Variants in COL25A1 observed in about 807,000 individuals in gnomAD.
The protein encoded by COL25A1 is collagen type XXV alpha 1 chain, also known as collagen alpha-1(XXV) chain.
In COL25A1, 103 loss-of-function variants were observed where a neutral mutation model predicts 128.4. That is an observed-to-expected ratio of 0.80 (90% CI 0.68 to 0.94). The LOEUF is 0.94. COL25A1 is among the 40% of genes least tolerant of loss of function. The probability of loss-of-function intolerance (pLI) is 0.00; values close to 1 mark genes in which losing one functional copy is unlikely to be tolerated. For synonymous variants in COL25A1, 279 were observed against 277.2 expected, an observed-to-expected ratio of 1.01 and a Z score of -0.06; for missense variants, 745 against 840.0, an observed-to-expected ratio of 0.89 and a Z score of 1.40.
At chr4:108,987,517 G>A (rs537273125) in intron 6 of COL25A1, among the ~76,000 whole-genome samples, 2 of 152,170 alleles carry the variant, frequency 1.3e-5, no homozygotes, top group African/African-American at 4.8e-5. Context: ...CGGGATTACA[G>A]ATGCCCACCA....
intron 8 of COL25A1, among the ~76,000 whole-genome samples, chr4:108,943,278 C>T (rs976500506): frequency 6.6e-6 from 1 of 152,172 alleles, no homozygotes; most frequent in Non-Finnish European, 1.5e-5. Flanking sequence ...TGTAATTTCC[C>T]TCAATTGACA....
At chr4:109,239,420 A>ATG (rs71594168) in intron 3 of COL25A1, among the ~76,000 whole-genome samples, 19,282 of 123,142 alleles carry the variant, frequency 0.16, 1,530 homozygotes, top group Admixed American at 0.22. Context: ...ATATATATAT[A>ATG]TATTTATTTA....
chr4:109,069,035 T>C (rs932333858), intron 3 of COL25A1, among the ~76,000 whole-genome samples: 15 of 152,048 alleles, frequency 9.9e-5, no homozygotes, highest in African/African-American at 3.4e-4. Context: ...TATTAAGCCC[T>C]CAAGAAATAT....
chr4:109,185,216 G>T (rs1017598261), intron 3 of COL25A1, among the ~76,000 whole-genome samples: 2 of 152,166 alleles, frequency 1.3e-5, no homozygotes, highest in Non-Finnish European at 1.5e-5. Context: ...GGAAATACTT[G>T]TTTATGATAG....
intron 6 of COL25A1, among the ~76,000 whole-genome samples, chr4:108,991,466 T>C (rs778630179): frequency 7.9e-5 from 12 of 152,180 alleles, no homozygotes; most frequent in Non-Finnish European, 1.5e-4. Flanking sequence ...ATTAACCATC[T>C]GCTTCATAAA....
chr4:109,119,227 T>G (rs912117344), intron 3 of COL25A1, among the ~76,000 whole-genome samples: 1 of 151,976 alleles, frequency 6.6e-6, no homozygotes, highest in East Asian at 1.9e-4. Flanking sequence ...AGAGGAAAAT[T>G]TATAGCATTG....
intron 5 of COL25A1, among the ~76,000 whole-genome samples, chr4:109,012,009 A>AAGGTTTT (rs143096880): frequency 0.08 from 12,241 of 152,158 alleles, 836 homozygotes; most frequent in African/African-American, 0.19. Flanking sequence ...AGACACTATG[A>AAGGTTTT]AGGTTTTTTG....
At chr4:109,295,364 G>C (rs1466136821) in intron 3 of COL25A1, among the ~76,000 whole-genome samples, 1 of 152,056 alleles carries the variant, frequency 6.6e-6, no homozygotes, top group Non-Finnish European at 1.5e-5. Flanking sequence ...ATTTAACATG[G>C]ATGCTTGAAG....
At chr4:109,196,811 G>C (rs1188878858) in intron 3 of COL25A1, among the ~76,000 whole-genome samples, 1 of 152,146 alleles carries the variant, frequency 6.6e-6, no homozygotes, top group African/African-American at 2.4e-5. Flanking sequence ...GAGACATTTT[G>C]ATTATCAATG....
chr4:109,295,113 T>C (rs1015666201), intron 3 of COL25A1, among the ~76,000 whole-genome samples: 2 of 152,120 alleles, frequency 1.3e-5, no homozygotes, highest in Non-Finnish European at 2.9e-5. Context: ...TTTGTATCCT[T>C]CTTTTAAGTA....
In COL25A1 at chr4:108,921,699, ATGT is replaced by A. The variant is rs1481184366; in HGVS notation, c.709-1098_709-1096del. Among the ~76,000 whole-genome samples the A allele has an allele frequency of 9.8e-5, 15 of 152,310 alleles. No homozygotes were observed. In the East Asian group the frequency reaches 2.9e-3, roughly 29 times the overall value. On this transcript the variant is annotated intron_variant, in intron 11 of 37. Coordinates refer to ENST00000399132, the MANE Select transcript of COL25A1 (RefSeq NM_198721.4). ...GGAACATTCAGAGAATCTGTTCACCATGTTATTTTGCAATCCTCACAGGAAGAC... is the reference window on the plus strand; with the variant it reads ...GGAACATTCAGAGAATCTGTTCACCATATTTTGCAATCCTCACAGGAAGAC...
intron 3 of COL25A1, among the ~76,000 whole-genome samples, chr4:109,197,472 A>T (rs1292255469): frequency 3.4e-5 from 4 of 117,048 alleles, no homozygotes; most frequent in South Asian, 2.3e-4. Context: ...ATTATATATA[A>T]TATATATTAT....
chr4:108,809,066 G>C lies in COL25A1; in HGVS notation c.*4861C>G, dbSNP rs1730594864. Reference sequence around the variant, plus strand: ...ATCTTTCAATTATTTACACTACTGAGATAAACAGGTTTGTGCCATATTTAC... The same window carrying C: ...ATCTTTCAATTATTTACACTACTGACATAAACAGGTTTGTGCCATATTTAC... On this transcript the variant is annotated 3_prime_UTR_variant, in exon 38 of 38. Coordinates refer to ENST00000399132, the MANE Select transcript of COL25A1 (RefSeq NM_198721.4). 6.6e-6 allele frequency: 1 copy of C among 152,024 alleles called. No homozygotes were observed. The highest frequency in any genetic ancestry group is 6.5e-5 in the Admixed American group (1 of 15,272). The allele number at this position is 152,024 out of a possible 1,614,324, so 9.4% of individuals were successfully genotyped here.
chr4:109,247,189 C>T (rs1470997722), intron 3 of COL25A1, among the ~76,000 whole-genome samples: 2 of 152,074 alleles, frequency 1.3e-5, no homozygotes, highest in African/African-American at 4.8e-5. Flanking sequence ...CATGGTAAAA[C>T]CCCATCTCCA....
chr4:108,939,999 G>A (rs749393667), intron 10 of COL25A1, among the ~76,000 whole-genome samples: 5 of 151,996 alleles, frequency 3.3e-5, no homozygotes, highest in East Asian at 3.9e-4. Context: ...TTCATTTTAC[G>A]GTTATTAGCA....
chr4:109,212,400 T>C (rs1449917002), intron 3 of COL25A1, among the ~76,000 whole-genome samples: 2 of 152,158 alleles, frequency 1.3e-5, no homozygotes, highest in Non-Finnish European at 2.9e-5. Flanking sequence ...CTTGGCATTA[T>C]TATGATATAG....
chr4:108,900,747 C>A (rs1742737942), intron 14 of COL25A1, among the ~76,000 whole-genome samples: 1 of 151,992 alleles, frequency 6.6e-6, no homozygotes, highest in South Asian at 2.1e-4. Flanking sequence ...TGAATGTCAT[C>A]TTTAGTAAGG....
chr4:108,924,466 T>C (rs951978212), intron 11 of COL25A1, among the ~76,000 whole-genome samples: 2 of 152,156 alleles, frequency 1.3e-5, no homozygotes, highest in East Asian at 3.8e-4. Flanking sequence ...GACCCCATGT[T>C]GGTGACTGTC....
In COL25A1 at chr4:109,161,049, G is replaced by T. The variant is rs147595103; in HGVS notation, c.368-110870C>A. 4.1e-3 allele frequency among the ~76,000 whole-genome samples: 616 copies of T among 152,048 alleles called. 3 individuals are homozygous for T. Among genetic ancestry groups the T allele is most frequent in the Non-Finnish European group, 6.5e-3 (440 of 67,972 alleles). On this transcript the variant is annotated intron_variant, in intron 3 of 37. Transcript: ENST00000399132. The stretch of plus-strand genomic sequence containing the variant: ...ACAGGGTTCTCACTATGTTGTCCAG[G>T]TTAATTTCAAACTCCTGGCCTCAAG...
Sources: gnomAD v4.1 joint callset for allele counts (sites outside exome capture counted in the v4.1 genomes callset) on GRCh38, gnomAD v4.1.1 for gene constraint, MANE v1.5 for transcripts, NCBI Gene and HGNC (gene_info 2026-07-23, HGNC 2026-07-21) for gene names.